IMMP2L: variants seen among roughly 807,000 people sequenced by gnomAD.
IMMP2L encodes the protein mitochondrial inner membrane protease subunit 2.
IMMP2L carries 18 observed loss-of-function variants against 19.3 expected under a neutral mutation model. That is an observed-to-expected ratio of 0.93 (90% confidence interval 0.64 to 1.38). The LOEUF (loss-of-function observed/expected upper bound fraction) is 1.38, where lower values mean the gene tolerates loss of function less well. Ranked by LOEUF, IMMP2L falls within the 40% of genes most tolerant of loss-of-function variation. The probability of loss-of-function intolerance (pLI) is 0.00; values close to 1 mark genes in which losing one functional copy is unlikely to be tolerated. For synonymous variants in IMMP2L, 76 were observed against 73.0 expected (o/e 1.04, Z -0.21); for missense variants, 233 against 218.2 (o/e 1.07, Z -0.43).
At chr7:111,477,297 G>A (rs1841803506) in intron 3 of IMMP2L, among the ~76,000 whole-genome samples, 1 of 152,120 alleles carries the variant, frequency 6.6e-6, no homozygotes, top group African/African-American at 2.4e-5. Flanking sequence ...CCTGGGCTCA[G>A]AAGGGACCCC....
chr7:111,469,315 G>T (rs13438133), intron 3 of IMMP2L, among the ~76,000 whole-genome samples: 13,799 of 152,086 alleles, frequency 0.091, 776 homozygotes, highest in African/African-American at 0.14. Flanking sequence ...GCTTGATGGG[G>T]ATGGCACTGA....
intron 3 of IMMP2L, among the ~76,000 whole-genome samples, chr7:111,017,514 C>A (rs2129565483): frequency 6.6e-6 from 1 of 152,212 alleles, no homozygotes; most frequent in Admixed American, 6.5e-5. Context: ...ACCACAGGAT[C>A]AGTGACTGAA....
At chr7:111,416,453 A>C (rs1834963583) in intron 3 of IMMP2L, among the ~76,000 whole-genome samples, 1 of 151,872 alleles carries the variant, frequency 6.6e-6, no homozygotes, top group South Asian at 2.1e-4. Flanking sequence ...TCTGGTTTGA[A>C]CCACTAGAAT....
intron 3 of IMMP2L, among the ~76,000 whole-genome samples, chr7:111,355,661 ATGT>A (rs1828625316): frequency 6.6e-6 from 1 of 151,990 alleles, no homozygotes; most frequent in Non-Finnish European, 1.5e-5. Context: ...ATGTACAGAA[ATGT>A]TGTTCATGAG....
intron 1 of IMMP2L, among the ~76,000 whole-genome samples, chr7:111,560,091 C>T (rs1226075417): frequency 7.9e-5 from 12 of 152,044 alleles, no homozygotes; most frequent in Non-Finnish European, 1.6e-4. Context: ...TTAACATATA[C>T]TTAAGCTGCA....
chr7:110,868,702 C>T (rs1333044199), intron 5 of IMMP2L, among the ~76,000 whole-genome samples: 2 of 152,040 alleles, frequency 1.3e-5, no homozygotes, highest in Non-Finnish European at 2.9e-5. Flanking sequence ...AGTCAGCCAG[C>T]AACTGTCTTT....
chr7:111,378,942 TC>T (rs1830940787), intron 3 of IMMP2L, among the ~76,000 whole-genome samples: 2 of 151,762 alleles, frequency 1.3e-5, no homozygotes, highest in Non-Finnish European at 2.9e-5. Context: ...GGTATACAAT[TC>T]CATAAGAATA....
intron 5 of IMMP2L, among the ~76,000 whole-genome samples, chr7:110,854,800 C>T (rs1414909531): frequency 1.3e-5 from 2 of 151,968 alleles, no homozygotes; most frequent in Non-Finnish European, 2.9e-5. Flanking sequence ...CTCGTTTACT[C>T]ATCTCTGCCT....
intron 5 of IMMP2L, among the ~76,000 whole-genome samples, chr7:110,672,892 T>C (rs1484501364): frequency 6.6e-6 from 1 of 152,186 alleles, no homozygotes; most frequent in Non-Finnish European, 1.5e-5. Flanking sequence ...GTTGAGTGTC[T>C]GCAGCTTTTC....
intron 3 of IMMP2L, among the ~76,000 whole-genome samples, chr7:111,460,887 C>A (rs1840079619): frequency 6.6e-6 from 1 of 152,056 alleles, no homozygotes; most frequent in African/African-American, 2.4e-5. Context: ...ACTAGTAAAT[C>A]ATTATTCAGC....
At chr7:110,769,908 G>C (rs1204486111) in intron 5 of IMMP2L, among the ~76,000 whole-genome samples, 1 of 152,074 alleles carries the variant, frequency 6.6e-6, no homozygotes, top group Non-Finnish European at 1.5e-5. Context: ...TCATCTGACT[G>C]ACTTAGCACA....
At chr7:111,507,267 A>C (rs1254097352) in intron 2 of IMMP2L, among the ~76,000 whole-genome samples, 1 of 152,206 alleles carries the variant, frequency 6.6e-6, no homozygotes, top group Non-Finnish European at 1.5e-5. Flanking sequence ...AACCCAAAAA[A>C]GTTCTGGGCA....
chr7:111,386,415 C>A (rs1199007716), intron 3 of IMMP2L, among the ~76,000 whole-genome samples: 2 of 151,996 alleles, frequency 1.3e-5, no homozygotes. Flanking sequence ...TGTGACTATA[C>A]AAATACATAT....
At position 111,074,836 on chromosome 7, in the gene IMMP2L, C is replaced by T. The variant is rs12669529; in HGVS notation, c.240-111271G>A. On this transcript the variant is annotated intron_variant, in intron 3 of 5. Coordinates refer to ENST00000405709, the MANE Select transcript of IMMP2L (RefSeq NM_032549.4). ...GATAGTTTTGCAGTACTTTTGGCTA[C>T]GATCAAAAAACAGAAATGCGGAAAA... Among the ~76,000 whole-genome samples the T allele has an allele frequency of 2.7e-4, 41 of 152,120 alleles. No homozygotes were observed. In the East Asian group the frequency reaches 5.2e-3, roughly 19 times the overall value.
At chr7:111,519,184 G>C (rs534436235) in intron 2 of IMMP2L, among the ~76,000 whole-genome samples, 2 of 152,266 alleles carry the variant, frequency 1.3e-5, no homozygotes, top group East Asian at 3.9e-4. Context: ...CATGCGAGCT[G>C]CCAGCAGCCA....
rs549063467 is a variant in IMMP2L, at chr7:110,784,174, G to T, written c.408+102419C>A. Among the ~76,000 whole-genome samples, 17 of 151,864 alleles carry T rather than the reference G, an allele frequency of 1.1e-4. 1 individual carries two copies. In the South Asian group the frequency reaches 3.3e-3, roughly 30 times the overall value. On this transcript the variant is annotated intron_variant, in intron 5 of 5. Transcript: ENST00000405709. ...TTGGTATAATTCCTAACCTCCGTCA[G>T]TGTTACAGTTAGTAATTTAAATACT...
intron 3 of IMMP2L, among the ~76,000 whole-genome samples, chr7:111,171,641 A>AG (rs1161498954): frequency 1.3e-5 from 2 of 151,710 alleles, no homozygotes; most frequent in East Asian, 1.9e-4. Flanking sequence ...AAGAATCCGG[A>AG]GGGAAAAAAG....
rs993793102 is a variant in IMMP2L, at chr7:111,421,811, A to T, written c.239+65427T>A. Reference sequence around the variant, plus strand: ...GTCCTTGTCCATGCCTATGTCCTGAATGGTATTGCCTAGGTTTCCTTCTAG... The same window carrying T: ...GTCCTTGTCCATGCCTATGTCCTGATTGGTATTGCCTAGGTTTCCTTCTAG... On this transcript the variant is annotated intron_variant, in intron 3 of 5. Coordinates refer to ENST00000405709, the MANE Select transcript of IMMP2L (RefSeq NM_032549.4). Among the ~76,000 whole-genome samples the T allele has an allele frequency of 9.9e-5, 15 of 151,716 alleles. 1 individual carries two copies. The highest frequency in any genetic ancestry group is 3.7e-4 in the African/African-American group (15 of 41,076).
rs10530563 is a variant in IMMP2L, at chr7:111,228,966, CGTGTGTGTGTGTGT to C, written c.239+258258_239+258271del. Among the ~76,000 whole-genome samples, 232 of 144,046 alleles carry C rather than the reference CGTGTGTGTGTGTGT, an allele frequency of 1.6e-3. 2 individuals are homozygous for C. The highest frequency in any genetic ancestry group is 5.6e-3 in the African/African-American group (219 of 39,194). 94.5% of individuals were successfully genotyped at this position (144,046 alleles called of 152,430 possible). A position where few individuals can be genotyped will look rare whatever the true frequency, so the allele number is the denominator to read the frequency against. Reference sequence around the variant, plus strand: ...GGTAATTCAATAAACACTAGCAATGCGTGTGTGTGTGTGTGTGTGTGTGTGTGTGTGTGTGTGTG... The same window carrying C: ...GGTAATTCAATAAACACTAGCAATGCGTGTGTGTGTGTGTGTGTGTGTGTG... On this transcript the variant is annotated intron_variant, in intron 3 of 5. Coordinates refer to ENST00000405709, the MANE Select transcript of IMMP2L (RefSeq NM_032549.4).
Sources: allele counts gnomAD v4.1 joint callset (sites outside exome capture counted in the v4.1 genomes callset), GRCh38; gene constraint gnomAD v4.1.1; transcripts MANE v1.5; gene names NCBI Gene and HGNC (gene_info 2026-07-23, HGNC 2026-07-21).